The following CDC25A variants were observed in gnomAD, a reference collection of about 807,000 sequenced individuals.
The protein encoded by CDC25A is cell division cycle 25A, also known as M-phase inducer phosphatase 1.
Under a neutral mutation model 64.6 loss-of-function variants are expected in CDC25A, and 17 were observed. The ratio of observed to expected loss-of-function variants is 0.26; its 90% CI spans 0.18 to 0.39. The LOEUF is 0.39. Among genes scored for constraint, CDC25A ranks in the 10% least tolerant of loss-of-function variants. The pLI is 1.00. For synonymous variants in CDC25A, 229 were observed against 238.6 expected (o/e 0.96, Z 0.37); for missense variants, 473 against 654.8 (o/e 0.72, Z 3.03).
Position 48,174,288 on chromosome 3 carries a change from T to C in CDC25A, c.926A>G (p.His309Arg), listed in dbSNP as rs748224977. Residue 309 changes from histidine to arginine, a missense_variant, in exon 9 of 15, where the codon CAT becomes CGT. By Grantham distance (29) the His-to-Arg change is conservative. Transcript: ENST00000302506. Reference protein sequence around the residue: ...PKESTNPEKAHETLHQSLSLA... With the variant: ...PKESTNPEKARETLHQSLSLA... ...AAAGGAACCTAGGAAACTAACCTCA[T>C]GGGCCTTCTCTGGATTAGTTGACTC... The C allele has an allele frequency of 6.2e-7, 1 of 1,611,012 alleles. No individual in the cohort carries two copies.
At chr3:48,168,944 G>A (rs568037101) in intron 9 of CDC25A, among the ~76,000 whole-genome samples, 4 of 152,250 alleles carry the variant, frequency 2.6e-5, no homozygotes, top group Admixed American at 6.5e-5. Context: ...GAGCCACCGC[G>A]CCCGGCCTAC....
Position 48,157,668 on chromosome 3 carries a change from A to AG in CDC25A, c.*1276dup. ...ATTCCCACTTTTATGGAGTTAGATAAGGGGACAACCGGTGATGATTCATCA... is the reference window on the plus strand; with the variant it reads ...ATTCCCACTTTTATGGAGTTAGATAAGGGGGACAACCGGTGATGATTCATCA... On this transcript the variant is annotated 3_prime_UTR_variant, in exon 15 of 15. Transcript: ENST00000302506. 1 of 152,726 alleles carries AG rather than the reference A, an allele frequency of 6.5e-6. No homozygotes were observed. The highest frequency in any genetic ancestry group is 2.1e-4 in the South Asian group (1 of 4,826). The allele number at this position is 152,726 out of a possible 1,614,324, so 9.5% of individuals were successfully genotyped here. A position where few individuals can be genotyped will look rare whatever the true frequency, so the allele number is the denominator to read the frequency against.
rs1200103926 is a variant in CDC25A at position 48,158,130 on chromosome 3, G to A, written c.*815C>T. The A allele has an allele frequency of 6.6e-6, 1 of 152,558 alleles. No homozygotes were observed. Among genetic ancestry groups the A allele is most frequent in the Non-Finnish European group, 1.5e-5 (1 of 68,038 alleles). 9.5% of individuals were successfully genotyped at this position (152,558 alleles called of 1,614,324 possible). On this transcript the variant is annotated 3_prime_UTR_variant, in exon 15 of 15. Transcript: ENST00000302506. The stretch of plus-strand genomic sequence containing the variant: ...TACCAGCCAATGTCATGGAACTGGG[G>A]TGAGGAAGAACAGGGCCACACCTCC...
In CDC25A at chr3:48,188,198, C is replaced by A. The variant is rs2032921471; in HGVS notation, c.-251G>T. 1 of 333,656 alleles carries A rather than the reference C, an allele frequency of 3.0e-6. No homozygotes were observed. The highest frequency in any genetic ancestry group is 4.7e-5 in the East Asian group (1 of 21,296). 20.7% of individuals were successfully genotyped at this position (333,656 alleles called of 1,614,324 possible). ...CCTCTCACACCGCGAGGCCAGCGGG[C>A]GGGCGGGCGCCGGCAACCTGAAGAT... On this transcript the variant is annotated 5_prime_UTR_variant, in exon 1 of 15. Coordinates refer to ENST00000302506, the MANE Select transcript of CDC25A (RefSeq NM_001789.3).
At chr3:48,180,988 A>G (rs993813128) in intron 5 of CDC25A, 148 bp from the exon 6 acceptor site, 6 of 646,558 alleles carry the variant, frequency 9.3e-6, no homozygotes, top group African/African-American at 9.0e-5. Flanking sequence ...TGCGTAACTA[A>G]GAATTTCCAA....
intron 6 of CDC25A, 88 bp downstream of exon 6, chr3:48,180,633 A>T: frequency 7.2e-7 from 1 of 1,390,816 alleles, no homozygotes; most frequent in Non-Finnish European, 1.0e-6. Flanking sequence ...AGCTAGTGCT[A>T]CTGTAGTGCC....
At position 48,170,945 on chromosome 3, in the gene CDC25A, TAAAATATATG is replaced by T. The variant is rs146366495; in HGVS notation, c.931-3011_931-3002del. Among the ~76,000 whole-genome samples, 102 of 152,148 alleles carry T rather than the reference TAAAATATATG, an allele frequency of 6.7e-4. No individual in the cohort carries two copies. The East Asian group carries it at 0.015, about 23-fold the overall frequency. ...CAATGGAATTTAAAATACTAAAAAT[TAAAATATATG>T]AAAATAAACCAAAACATGAGGGCCA... On this transcript the variant is annotated intron_variant, in intron 9 of 14. Transcript: ENST00000302506.
chr3:48,160,202 TC>T (rs1342754896), intron 13 of CDC25A, among the ~76,000 whole-genome samples: 1 of 152,008 alleles, frequency 6.6e-6, no homozygotes, highest in African/African-American at 2.4e-5. Context: ...AATCTCCGTC[TC>T]CCGGGTTCAA....
intron 9 of CDC25A, among the ~76,000 whole-genome samples, chr3:48,169,134 A>T (rs2032171183): frequency 6.6e-6 from 1 of 152,216 alleles, no homozygotes; most frequent in Non-Finnish European, 1.5e-5. Context: ...TTGGTAGGGC[A>T]TTATTTGGAA....
chr3:48,167,059 T>C (rs2032055358), intron 10 of CDC25A, among the ~76,000 whole-genome samples: 2 of 152,062 alleles, frequency 1.3e-5, no homozygotes, highest in African/African-American at 4.8e-5. Flanking sequence ...CTAGCCAAGA[T>C]AAACCCTTTT....
rs777221366 is a variant in CDC25A, at chr3:48,159,461, C to T, written c.1323-6G>A. The T allele has an allele frequency of 6.2e-7, 1 of 1,607,330 alleles. No homozygotes were observed. Among genetic ancestry groups the T allele is most frequent in the Non-Finnish European group, 8.5e-7 (1 of 1,173,952 alleles). On this transcript the variant is annotated splice_region_variant and splice_polypyrimidine_tract_variant and intron_variant, in intron 13 of 14. Transcript: ENST00000302506. ...TCTCTCTCACATACCGGCACCTAGT[C>T]AGGGGAAGGAAGGCCAAAGCAGGGT...
intron 13 of CDC25A, among the ~76,000 whole-genome samples, chr3:48,162,348 T>G (rs1212326533): frequency 6.6e-6 from 1 of 151,724 alleles, no homozygotes; most frequent in African/African-American, 2.4e-5. Context: ...TACAGTGGCA[T>G]GATCATGGCT....
chr3:48,180,863 C>T (rs3731507), intron 5 of CDC25A, 23 bp from the exon 6 acceptor site: 75,217 of 1,612,516 alleles, frequency 0.047, 2,347 homozygotes, highest in South Asian at 0.054. Context: ...GTTGAGACAT[C>T]TACTGTCCAT....
rs1575274245 is a variant in CDC25A, at chr3:48,184,699, T to TG, written c.248-5dup. On this transcript the variant is annotated splice_region_variant and splice_polypyrimidine_tract_variant and intron_variant, in intron 2 of 14. Coordinates refer to ENST00000302506, the MANE Select transcript of CDC25A (RefSeq NM_001789.3). ...CCAGGAGAATCTAGACAGAAACCTA[T>TG]GGGGAAAAAAAAAACCTCTCAAGAA... is the stretch of plus-strand genomic sequence containing the variant. 1.3e-6 allele frequency: 2 copies of TG among 1,578,630 alleles called. No homozygotes were observed. Among genetic ancestry groups the TG allele is most frequent in the East Asian group, 2.2e-5 (1 of 44,518 alleles).
Position 48,181,586 on chromosome 3 carries a change from G to A in CDC25A, c.430-746C>T, listed in dbSNP as rs1016150924. On this transcript the variant is annotated intron_variant, in intron 5 of 14. Transcript: ENST00000302506. ...ACTTCAGATTGTGCGGGACCACTGGGTTCATGTTCTTGTCCCTATGGGATT... is the reference window on the plus strand; with the variant it reads ...ACTTCAGATTGTGCGGGACCACTGGATTCATGTTCTTGTCCCTATGGGATT... 20 of 1,563,922 alleles carry A rather than the reference G, an allele frequency of 1.3e-5. 2 individuals carry two copies. Among genetic ancestry groups the A allele is most frequent in the Admixed American group, 6.7e-5 (4 of 59,812 alleles).
At position 48,157,417 on chromosome 3, in the gene CDC25A, G is replaced by GT. The variant is rs2031564255; in HGVS notation, c.*1527dup. On this transcript the variant is annotated 3_prime_UTR_variant, in exon 15 of 15. Transcript: ENST00000302506. ...TTATAGCCAAATGTAACTCAAACCC[G>GT]TAACACAGCAACTAGCCATCTCCAG... The GT allele has an allele frequency of 6.6e-6, 1 of 152,538 alleles. No homozygotes were observed. Among genetic ancestry groups the GT allele is most frequent in the Non-Finnish European group, 1.5e-5 (1 of 68,046 alleles). 9.4% of individuals were successfully genotyped at this position (152,538 alleles called of 1,614,324 possible). A position where few individuals can be genotyped will look rare whatever the true frequency, so the allele number is the denominator to read the frequency against.
Position 48,165,699 on chromosome 3 carries a change from G to A in CDC25A, c.1128C>T (p.Leu376=), listed in dbSNP as rs143460181. The A allele has an allele frequency of 6.2e-7, 1 of 1,613,910 alleles. No homozygotes were observed. The highest frequency in any genetic ancestry group is 1.3e-5 in the African/African-American group (1 of 74,910). ...ASVLNGKFAN[L]IKEFVIIDCR... is the part of the protein sequence containing the mutation. Reference sequence around the variant, plus strand: ...AGTCGATGATAACAAACTCTTTAATGAGGTTGGCAAACTTGCCATTCAAAA... The same window carrying A: ...AGTCGATGATAACAAACTCTTTAATAAGGTTGGCAAACTTGCCATTCAAAA... The change falls in exon 12 of 15, where the codon CTC becomes CTT. Residue 376 remains leucine, a synonymous_variant. Transcript: ENST00000302506.
At chr3:48,181,202 G>C (rs1297885205) in intron 5 of CDC25A, among the ~76,000 whole-genome samples, 1 of 151,714 alleles carries the variant, frequency 6.6e-6, no homozygotes, top group Non-Finnish European at 1.5e-5. Flanking sequence ...ATCTGTTTCA[G>C]GGCTTCATAT....
intron 13 of CDC25A, among the ~76,000 whole-genome samples, chr3:48,163,008 G>A (rs774492904): frequency 3.9e-5 from 6 of 152,084 alleles, no homozygotes; most frequent in East Asian, 3.9e-4. Flanking sequence ...TCTGCTGGGC[G>A]TGGTGGCTCA....
Sources: gnomAD v4.1 joint callset for allele counts (sites outside exome capture counted in the v4.1 genomes callset) on GRCh38, gnomAD v4.1.1 for gene constraint, MANE v1.5 for transcripts, NCBI Gene and HGNC (gene_info 2026-07-23, HGNC 2026-07-21) for gene names.